ERVK3-1: variants seen among roughly 807,000 people sequenced by gnomAD.
The protein encoded by ERVK3-1 is HERV-K(HML6-1).
At chr19:58,309,542 G>A (rs1362328477) in intron 2 of ERVK3-1, 10 of 152,210 alleles carry the variant, frequency 6.6e-5, no homozygotes, top group African/African-American at 1.9e-4. Context: ...TTCTTCATTA[G>A]ATTCCCCTCG....
rs1311167566 is a variant in ERVK3-1, at chr19:58,312,142, G to A, written c.-3-24G>A. 6 of 400,100 alleles carry A rather than the reference G, an allele frequency of 1.5e-5. No individual in the cohort carries two copies. The highest frequency in any genetic ancestry group is 2.7e-5 in the Non-Finnish European group (6 of 226,100). The allele number at this position is 400,100 out of a possible 1,614,324, so 24.8% of individuals were successfully genotyped here. On this transcript the variant is annotated intron_variant, in intron 2 of 3. Transcript: ENST00000413518. This position sits in a 1 kb window ranked among gnomAD's most constrained non-coding sequence, Gnocchi z 4.7. ...CCGGTGGATTTGCTGACGTGGGGACGAGGGTATGCTTGTGTTTTTACAGGA... is the reference window on the plus strand; with the variant it reads ...CCGGTGGATTTGCTGACGTGGGGACAAGGGTATGCTTGTGTTTTTACAGGA...
Position 58,313,650 on chromosome 19 carries a change from A to T in ERVK3-1, c.295-1098A>T, listed in dbSNP as rs2051571392. ...TCTAAGAAGGACCAACTCCACGTAAACATCACCCAGTTGACTTGTGACTCT... is the reference window on the plus strand; with the variant it reads ...TCTAAGAAGGACCAACTCCACGTAATCATCACCCAGTTGACTTGTGACTCT... On this transcript the variant is annotated intron_variant, in intron 3 of 3. Transcript: ENST00000413518. This position sits in a 1 kb window ranked among gnomAD's most constrained non-coding sequence, Gnocchi z 4.5. Among the ~76,000 whole-genome samples, 1 of 152,128 alleles carries T rather than the reference A, an allele frequency of 6.6e-6. No individual in the cohort carries two copies. The highest frequency in any genetic ancestry group is 2.4e-5 in the African/African-American group (1 of 41,428).
chr19:58,305,770 T>C (rs1326952982), intron 1 of ERVK3-1, among the ~76,000 whole-genome samples: 2 of 152,152 alleles, frequency 1.3e-5, no homozygotes, highest in East Asian at 1.9e-4. Flanking sequence ...AGGATGTTGG[T>C]AAACTGACAA....
At position 58,312,854 on chromosome 19, in the gene ERVK3-1, C is replaced by T. The variant is rs2051565928; in HGVS notation, c.294+392C>T. On this transcript the variant is annotated intron_variant, in intron 3 of 3. Transcript: ENST00000413518. This position sits in a 1 kb window ranked among gnomAD's most constrained non-coding sequence, Gnocchi z 4.7. ...GGAATGGGCTCCCTTTGATATTTCT[C>T]ACCCCCCTCCTTGGACCCAGTGTCT... 1 of 157,306 alleles carries T rather than the reference C, an allele frequency of 6.4e-6. No homozygotes were observed. Among genetic ancestry groups the T allele is most frequent in the South Asian group, 2.0e-4 (1 of 4,880 alleles). The allele number at this position is 157,306 out of a possible 1,614,324, so 9.7% of individuals were successfully genotyped here.
At position 58,312,693 on chromosome 19, in the gene ERVK3-1, G is replaced by A. The variant is rs1189019967; in HGVS notation, c.294+231G>A. 6.6e-6 allele frequency among the ~76,000 whole-genome samples: 1 copy of A among 152,162 alleles called. No homozygotes were observed. The highest frequency in any genetic ancestry group is 2.4e-5 in the African/African-American group (1 of 41,418). On this transcript the variant is annotated intron_variant, in intron 3 of 3. Transcript: ENST00000413518. This position sits in a 1 kb window ranked among gnomAD's most constrained non-coding sequence, Gnocchi z 4.7. ...ATGGATACGTCACTCAACTGCAGCT[G>A]TCTTGCAGTCCAATCTCAGGCATGG...
intron 2 of ERVK3-1, chr19:58,309,737 T>A (rs1382201309): frequency 1.3e-5 from 2 of 152,242 alleles, no homozygotes; most frequent in South Asian, 2.1e-4. Context: ...TGGCTTTTTT[T>A]ATCCAGTCAA....
downstream of ERVK3-1, among the ~76,000 whole-genome samples, chr19:58,316,439 G>T (rs1331911746): frequency 6.6e-6 from 1 of 152,214 alleles, no homozygotes; most frequent in Non-Finnish European, 1.5e-5. Flanking sequence ...CATTTTGGGA[G>T]GCTGAGGCAG....
At chr19:58,309,347 A>C (rs1264637231) in intron 2 of ERVK3-1, 2 of 152,216 alleles carry the variant, frequency 1.3e-5, no homozygotes, top group African/African-American at 4.8e-5. Flanking sequence ...AAAGGTACAA[A>C]CAACCTCCTC....
In ERVK3-1 at chr19:58,312,194, C is replaced by T; in HGVS notation, c.26C>T (p.Pro9Leu). 1 of 400,158 alleles carries T rather than the reference C, an allele frequency of 2.5e-6. No homozygotes were observed. The highest frequency in any genetic ancestry group is 4.4e-6 in the Non-Finnish European group (1 of 226,092). 24.8% of individuals were successfully genotyped at this position (400,158 alleles called of 1,614,324 possible). A position where few individuals can be genotyped will look rare whatever the true frequency, so the allele number is the denominator to read the frequency against. The change falls in exon 3 of 4, where the codon CCA becomes CTA. Residue 9 changes from proline to leucine, a missense_variant. Pro to Leu is a moderately conservative substitution (Grantham distance 98). Coordinates refer to ENST00000413518, the Ensembl canonical transcript of ERVK3-1. This position sits in a 1 kb window ranked among gnomAD's most constrained non-coding sequence, Gnocchi z 4.7. ...ATGGACAAACCGTGTGGGTGCCCTCCAGGTGTGTGTGACCATGGAACGGGA... is the reference window on the plus strand; with the variant it reads ...ATGGACAAACCGTGTGGGTGCCCTCTAGGTGTGTGTGACCATGGAACGGGA...
rs2051560060 is a variant in ERVK3-1, at chr19:58,312,107, A to G, written c.-3-59A>G. ...TATGGAAATCCCCAGAAGAAGGACAATGGAAAGGTCCGGTGGATTTGCTGA... is the reference window on the plus strand; with the variant it reads ...TATGGAAATCCCCAGAAGAAGGACAGTGGAAAGGTCCGGTGGATTTGCTGA... On this transcript the variant is annotated intron_variant, in intron 2 of 3. Coordinates refer to ENST00000413518, the Ensembl canonical transcript of ERVK3-1. The surrounding 1 kb of genome is among the most constrained non-coding windows in gnomAD (Gnocchi z 4.7). 1 of 399,786 alleles carries G rather than the reference A, an allele frequency of 2.5e-6. No individual in the cohort carries two copies. Among genetic ancestry groups the G allele is most frequent in the Non-Finnish European group, 4.4e-6 (1 of 226,080 alleles). The allele number at this position is 399,786 out of a possible 1,614,324, so 24.8% of individuals were successfully genotyped here. A position where few individuals can be genotyped will look rare whatever the true frequency, so the allele number is the denominator to read the frequency against.
intron 2 of ERVK3-1, among the ~76,000 whole-genome samples, chr19:58,307,347 G>A (rs1323698658): frequency 6.6e-6 from 1 of 152,204 alleles, no homozygotes; most frequent in African/African-American, 2.4e-5. Context: ...TGCAAATGCA[G>A]ATTGTAAATG....
At chr19:58,305,613 A>AG (rs1300482723) in intron 1 of ERVK3-1, among the ~76,000 whole-genome samples, 168 bp downstream of exon 1, 2 of 151,606 alleles carry the variant, frequency 1.3e-5, no homozygotes, top group Admixed American at 6.6e-5. Context: ...TGAGGGCGCG[A>AG]CCTGCCATGT....
downstream of ERVK3-1, among the ~76,000 whole-genome samples, chr19:58,316,149 C>T (rs933463610): frequency 1.3e-5 from 2 of 152,134 alleles, no homozygotes; most frequent in East Asian, 1.9e-4. Context: ...CCAGATATCC[C>T]TCTAAAACAC....
chr19:58,314,597 A>G (rs888834373), intron 3 of ERVK3-1, among the ~76,000 whole-genome samples, 151 bp from the exon 4 acceptor site: 1 of 139,980 alleles, frequency 7.1e-6, no homozygotes, highest in Non-Finnish European at 1.5e-5. Flanking sequence ...ACTGCACTCC[A>G]GCCTGGGTGA....
chr19:58,316,542 A>AGG, downstream of ERVK3-1, among the ~76,000 whole-genome samples: 1 of 152,170 alleles, frequency 6.6e-6, no homozygotes, highest in South Asian at 2.1e-4. Flanking sequence ...GTGGTGATGC[A>AGG]TGCCTGTAAT....
chr19:58,311,435 C>T (rs1428209902), intron 2 of ERVK3-1: 1 of 152,200 alleles, frequency 6.6e-6, no homozygotes, highest in Non-Finnish European at 1.5e-5. Flanking sequence ...GCCCAAGCTT[C>T]CCATGCTTTA....
At position 58,314,910 on chromosome 19, in the gene ERVK3-1, A is replaced by G. The variant is rs116750469; in HGVS notation, c.*127A>G. ...ACTGGAGGCTCTGTGAGCAAACAGCAAACTGTTCTCATGAAAGCAGGATGT... is the reference window on the plus strand; with the variant it reads ...ACTGGAGGCTCTGTGAGCAAACAGCGAACTGTTCTCATGAAAGCAGGATGT... On this transcript the variant is annotated 3_prime_UTR_variant, in exon 4 of 4. Transcript: ENST00000413518. 940 of 395,152 alleles carry G rather than the reference A, an allele frequency of 2.4e-3. 9 individuals carry two copies. The highest frequency in any genetic ancestry group is 0.018 in the African/African-American group (864 of 48,608). 24.5% of individuals were successfully genotyped at this position (395,152 alleles called of 1,614,324 possible). A position where few individuals can be genotyped will look rare whatever the true frequency, so the allele number is the denominator to read the frequency against.
intron 2 of ERVK3-1, among the ~76,000 whole-genome samples, chr19:58,307,885 C>G (rs1444344191): frequency 6.6e-6 from 1 of 152,144 alleles, no homozygotes; most frequent in Non-Finnish European, 1.5e-5. Context: ...AGGATTAGAT[C>G]GCTCAGTCAG....
Position 58,312,943 on chromosome 19 carries a change from T to C in ERVK3-1, c.294+481T>C, listed in dbSNP as rs1237164898. ...ACATTGACTGGGGTCCCCGTGGCCA[T>C]TTAGAGGGGAGAGATGAAAATCAGA... On this transcript the variant is annotated intron_variant, in intron 3 of 3. Transcript: ENST00000413518. This position sits in a 1 kb window ranked among gnomAD's most constrained non-coding sequence, Gnocchi z 4.7. The C allele has an allele frequency of 2.0e-5, 3 of 152,324 alleles. No homozygotes were observed. Among genetic ancestry groups the C allele is most frequent in the African/African-American group, 7.2e-5 (3 of 41,460 alleles). The allele number at this position is 152,324 out of a possible 1,614,324, so 9.4% of individuals were successfully genotyped here.
Sources: allele counts gnomAD v4.1 joint callset (sites outside exome capture counted in the v4.1 genomes callset), GRCh38; gene constraint gnomAD v4.1.1; non-coding constraint Gnocchi (gnomAD v3.1); transcripts MANE v1.5; gene names NCBI Gene and HGNC (gene_info 2026-07-23, HGNC 2026-07-21).